Variants in AHCYL2 observed in about 807,000 individuals in gnomAD.
AHCYL2 encodes the protein adenosylhomocysteinase like 2, also known as S-adenosylhomocysteine hydrolase-like protein 2.
Under a neutral mutation model 81.4 loss-of-function variants are expected in AHCYL2, and 28 were observed. The ratio of observed to expected loss-of-function variants is 0.34; its 90% CI spans 0.25 to 0.47. The LOEUF (loss-of-function observed/expected upper bound fraction) is 0.47. Among genes scored for constraint, AHCYL2 ranks in the 20% least tolerant of loss-of-function variants. The pLI, the probability that AHCYL2 is intolerant of heterozygous loss-of-function variation, is 1.00. For synonymous variants in AHCYL2, 272 were observed against 290.2 expected (o/e 0.94, Z 0.64); for missense variants, 551 against 785.1 (o/e 0.70, Z 3.56).
At chr7:129,413,087 C>G (rs1228268478) in intron 11 of AHCYL2, among the ~76,000 whole-genome samples, 2 of 151,090 alleles carry the variant, frequency 1.3e-5, no homozygotes, top group Non-Finnish European at 2.9e-5. Flanking sequence ...GTTATTGATT[C>G]TGCCTCAGCC....
chr7:129,346,820 A>G (rs1793377728), intron 1 of AHCYL2, among the ~76,000 whole-genome samples: 5 of 152,210 alleles, frequency 3.3e-5, no homozygotes, highest in Admixed American at 3.3e-4. Context: ...ATCCACACAA[A>G]AACCTGCTCA....
At chr7:129,355,795 AAG>A (rs1292284057) in intron 1 of AHCYL2, among the ~76,000 whole-genome samples, 1 of 152,186 alleles carries the variant, frequency 6.6e-6, no homozygotes, top group Non-Finnish European at 1.5e-5. Flanking sequence ...TGGATGTAAA[AAG>A]ATCTGCTTGC....
intron 1 of AHCYL2, among the ~76,000 whole-genome samples, chr7:129,332,469 C>A (rs1038831176): frequency 1.7e-4 from 26 of 152,174 alleles, no homozygotes; most frequent in African/African-American, 6.3e-4. Flanking sequence ...AAGATGTAGG[C>A]AGATGAAATA....
At chr7:129,277,286 T>G (rs1230802391) in intron 1 of AHCYL2, among the ~76,000 whole-genome samples, 2 of 151,564 alleles carry the variant, frequency 1.3e-5, no homozygotes, top group South Asian at 2.1e-4. Flanking sequence ...CTCTTTTTTT[T>G]TTTTTTTTTT....
At chr7:129,369,413 G>C (rs1031197619) in intron 1 of AHCYL2, among the ~76,000 whole-genome samples, 3 of 152,152 alleles carry the variant, frequency 2.0e-5, no homozygotes, top group Non-Finnish European at 2.9e-5. Flanking sequence ...TATTGATAAT[G>C]AGATAGAATA....
At chr7:129,326,526 A>AAAAC (rs999855754) in intron 1 of AHCYL2, among the ~76,000 whole-genome samples, 37 of 152,192 alleles carry the variant, frequency 2.4e-4, no homozygotes, top group African/African-American at 4.8e-4. Context: ...ACGCCAACTC[A>AAAAC]AAACAAACAA....
chr7:129,349,669 A>AT (rs1474269191), intron 1 of AHCYL2, among the ~76,000 whole-genome samples: 2 of 150,864 alleles, frequency 1.3e-5, no homozygotes, highest in Non-Finnish European at 3.0e-5. Flanking sequence ...AAAAAAAAAA[A>AT]AAAGCGTATG....
At chr7:129,357,362 GGTGAA>G (rs1793766699) in intron 1 of AHCYL2, among the ~76,000 whole-genome samples, 2 of 152,198 alleles carry the variant, frequency 1.3e-5, no homozygotes, top group African/African-American at 4.8e-5. Context: ...GAGGATGCTA[GGTGAA>G]GTACATATGG....
intron 1 of AHCYL2, among the ~76,000 whole-genome samples, chr7:129,258,015 G>A (rs1296512273): frequency 6.6e-6 from 1 of 152,134 alleles, no homozygotes; most frequent in Non-Finnish European, 1.5e-5. Context: ...GCAAATAAGA[G>A]TAAAAATACA....
chr7:129,255,929 A>G (rs1380391582), intron 1 of AHCYL2, among the ~76,000 whole-genome samples: 2 of 151,786 alleles, frequency 1.3e-5, no homozygotes, highest in South Asian at 2.1e-4. Context: ...GCACCATTAC[A>G]CTCCAGCTTG....
intron 1 of AHCYL2, among the ~76,000 whole-genome samples, chr7:129,320,145 A>G (rs1334357863): frequency 2.6e-5 from 4 of 151,856 alleles, no homozygotes; most frequent in African/African-American, 9.7e-5. Context: ...ATGTGCTTTT[A>G]TTTTTATTTA....
intron 1 of AHCYL2, among the ~76,000 whole-genome samples, chr7:129,235,111 C>CT (rs1432627886): frequency 2.6e-5 from 4 of 151,958 alleles, no homozygotes; most frequent in Admixed American, 6.6e-5. Context: ...ACATGGGGGT[C>CT]TTTTTTTTCA....
chr7:129,323,303 CTTG>C (rs1163056070), intron 1 of AHCYL2, among the ~76,000 whole-genome samples: 1 of 152,010 alleles, frequency 6.6e-6, no homozygotes, highest in African/African-American at 2.4e-5. Context: ...TTTAAATTCT[CTTG>C]TTCCTTTTAC....
chr7:129,322,420 G>A (rs1041291479), intron 1 of AHCYL2, among the ~76,000 whole-genome samples: 6 of 152,198 alleles, frequency 3.9e-5, no homozygotes, highest in Non-Finnish European at 5.9e-5. Flanking sequence ...GATTACAGGC[G>A]CACTGCGCCC....
intron 10 of AHCYL2, among the ~76,000 whole-genome samples, chr7:129,408,682 A>G (rs537626002): frequency 1.6e-4 from 24 of 152,348 alleles, no homozygotes; most frequent in African/African-American, 5.8e-4. Context: ...TCAGCCATCT[A>G]TCAGCAGTCA....
chr7:129,350,359 G>A (rs1192293549), intron 1 of AHCYL2, among the ~76,000 whole-genome samples: 2 of 151,556 alleles, frequency 1.3e-5, no homozygotes, highest in African/African-American at 4.8e-5. Flanking sequence ...TATTTGGAAT[G>A]TAGAAAGCAT....
rs533838136 is a variant in AHCYL2 at position 129,244,258 on chromosome 7, C to A, written c.363+18819C>A. On this transcript the variant is annotated intron_variant, in intron 1 of 16. Transcript: ENST00000325006. ...GGCTCAAGCAATCCTTCAACCTTGG[C>A]CTTTCAAAATGCTGGAATTACAGGC... is the stretch of plus-strand genomic sequence containing the variant. Among the ~76,000 whole-genome samples the A allele has an allele frequency of 2.0e-5, 3 of 151,792 alleles. No individual in the cohort carries two copies. In the South Asian group the frequency reaches 6.3e-4, roughly 32 times the overall value.
intron 1 of AHCYL2, among the ~76,000 whole-genome samples, chr7:129,232,619 T>C (rs763396160): frequency 2.0e-5 from 3 of 152,234 alleles, no homozygotes; most frequent in Non-Finnish European, 2.9e-5. Context: ...ATCCTTCAGC[T>C]GATTCAGTCC....
intron 12 of AHCYL2, among the ~76,000 whole-genome samples, chr7:129,414,422 T>TTC (rs1229751740): frequency 1.4e-5 from 2 of 145,374 alleles, no homozygotes; most frequent in Admixed American, 6.9e-5. Flanking sequence ...TGTTGTTTCT[T>TTC]TTTTTTTTTT....
Sources: allele counts gnomAD v4.1 joint callset (sites outside exome capture counted in the v4.1 genomes callset), GRCh38; gene constraint gnomAD v4.1.1; transcripts MANE v1.5; gene names NCBI Gene and HGNC (gene_info 2026-07-23, HGNC 2026-07-21).